SH3RF3: variants seen among roughly 807,000 people sequenced by gnomAD.
The protein encoded by SH3RF3 is E3 ubiquitin-protein ligase SH3RF3.
In SH3RF3, 29 loss-of-function variants were observed where a neutral mutation model predicts 66.3. The observed-to-expected ratio is 0.44, with a 90% confidence interval of 0.33 to 0.60. The LOEUF (loss-of-function observed/expected upper bound fraction) is 0.60. SH3RF3 is among the 20% of genes least tolerant of loss of function. SH3RF3 has a pLI of 0.04. For missense variants in SH3RF3, 1,194 were observed against 1,190.9 expected (o/e 1.00, Z -0.04); for synonymous variants, 583 against 532.0 (o/e 1.10, Z -1.32).
intron 1 of SH3RF3, among the ~76,000 whole-genome samples, chr2:109,345,830 T>C (rs1292076872): frequency 6.6e-6 from 1 of 152,160 alleles, no homozygotes; most frequent in Non-Finnish European, 1.5e-5. Flanking sequence ...CTGGGCCAGG[T>C]CATTCTTTGT....
intron 1 of SH3RF3, among the ~76,000 whole-genome samples, chr2:109,291,901 G>T (rs764420078): frequency 6.6e-6 from 1 of 152,188 alleles, no homozygotes; most frequent in Non-Finnish European, 1.5e-5. Flanking sequence ...GTCTCGCTCT[G>T]TTGCCAGGCT....
intron 4 of SH3RF3, among the ~76,000 whole-genome samples, chr2:109,405,805 C>T (rs1192936199): frequency 6.6e-6 from 1 of 152,246 alleles, no homozygotes; most frequent in Non-Finnish European, 1.5e-5. Context: ...TGGCCATCCC[C>T]CCTTCCTCCC....
chr2:109,216,897 T>G (rs1242547000), intron 1 of SH3RF3, among the ~76,000 whole-genome samples: 1 of 152,226 alleles, frequency 6.6e-6, no homozygotes, highest in African/African-American at 2.4e-5. Flanking sequence ...TTCAGAACTC[T>G]TTTCGTCTTC....
intron 1 of SH3RF3, among the ~76,000 whole-genome samples, chr2:109,287,450 A>G (rs1313089861): frequency 1.3e-5 from 2 of 152,158 alleles, no homozygotes; most frequent in African/African-American, 4.8e-5. Context: ...AGGTATCTCT[A>G]GGCTACCTGA....
chr2:109,486,770 G>A (rs1678991048), intron 8 of SH3RF3, among the ~76,000 whole-genome samples: 1 of 152,142 alleles, frequency 6.6e-6, no homozygotes, highest in Non-Finnish European at 1.5e-5. Context: ...ACTGGGTGGT[G>A]GGGAGGGCCT....
intron 3 of SH3RF3, among the ~76,000 whole-genome samples, chr2:109,384,445 C>T (rs1368381863): frequency 6.6e-6 from 1 of 151,884 alleles, no homozygotes; most frequent in East Asian, 1.9e-4. Flanking sequence ...CAGGGGTGGC[C>T]TGAGCTGGCC....
intron 1 of SH3RF3, among the ~76,000 whole-genome samples, chr2:109,337,215 A>G (rs918427728): frequency 5.9e-5 from 9 of 152,174 alleles, no homozygotes; most frequent in African/African-American, 2.2e-4. Flanking sequence ...AAAGATTTGT[A>G]AAAGCCTTTG....
At chr2:109,408,852 G>T (rs142606594) in intron 4 of SH3RF3, among the ~76,000 whole-genome samples, 5 of 152,202 alleles carry the variant, frequency 3.3e-5, no homozygotes, top group African/African-American at 4.8e-5. Flanking sequence ...TGATGGGTGC[G>T]CACAGGGAGG....
chr2:109,474,707 T>TA (rs1678632520), intron 8 of SH3RF3, among the ~76,000 whole-genome samples: 1 of 152,232 alleles, frequency 6.6e-6, no homozygotes, highest in Non-Finnish European at 1.5e-5. Flanking sequence ...GCATCGCAGA[T>TA]ACTTCACCAC....
intron 1 of SH3RF3, among the ~76,000 whole-genome samples, chr2:109,244,975 A>G (rs768547644): frequency 1.4e-4 from 22 of 152,126 alleles, no homozygotes; most frequent in Non-Finnish European, 3.1e-4. Context: ...CAGTATCTCT[A>G]TGGAGAACTG....
intron 3 of SH3RF3, among the ~76,000 whole-genome samples, chr2:109,390,794 G>T (rs983721479): frequency 3.9e-5 from 6 of 152,140 alleles, no homozygotes; most frequent in Admixed American, 2.6e-4. Flanking sequence ...TCGCTTCCCG[G>T]GCTACCCACT....
chr2:109,345,082 A>T (rs1682654159), intron 1 of SH3RF3, among the ~76,000 whole-genome samples: 1 of 152,296 alleles, frequency 6.6e-6, no homozygotes, highest in East Asian at 1.9e-4. Flanking sequence ...CCCGTGACTC[A>T]GGAGTGTGTG....
intron 8 of SH3RF3, among the ~76,000 whole-genome samples, chr2:109,474,489 G>A (rs554034977): frequency 6.6e-6 from 1 of 152,314 alleles, no homozygotes; most frequent in African/African-American, 2.4e-5. Context: ...ATGATCCCTG[G>A]GGACAGGCGG....
At chr2:109,482,704 C>G (rs1022562535) in intron 8 of SH3RF3, among the ~76,000 whole-genome samples, 2 of 152,212 alleles carry the variant, frequency 1.3e-5, no homozygotes, top group African/African-American at 4.8e-5. Context: ...CCCTCAGCTC[C>G]CTGTCCCTGC....
At chr2:109,387,893 G>A (rs1389153240) in intron 3 of SH3RF3, among the ~76,000 whole-genome samples, 1 of 150,912 alleles carries the variant, frequency 6.6e-6, no homozygotes, top group African/African-American at 2.4e-5. Context: ...CCATCCACCC[G>A]CACACGGCCC....
intron 1 of SH3RF3, among the ~76,000 whole-genome samples, chr2:109,299,787 G>C (rs1225334899): frequency 6.6e-6 from 1 of 152,176 alleles, no homozygotes; most frequent in South Asian, 2.1e-4. Context: ...GGAGGATGTG[G>C]CCGTGGTGTG....
At chr2:109,380,695 G>T (rs960685361) in intron 3 of SH3RF3, among the ~76,000 whole-genome samples, 14 of 152,220 alleles carry the variant, frequency 9.2e-5, no homozygotes. Context: ...TCAGGGCCTG[G>T]CGAAGGGGCA....
chr2:109,381,470 A>G (rs564822066), intron 3 of SH3RF3, among the ~76,000 whole-genome samples: 2 of 151,626 alleles, frequency 1.3e-5, no homozygotes, highest in East Asian at 2.0e-4. Context: ...TCTCACACCT[A>G]CCCTCCGCAG....
intron 9 of SH3RF3, among the ~76,000 whole-genome samples, chr2:109,495,483 T>A (rs1161418750): frequency 4.5e-5 from 2 of 44,344 alleles, no homozygotes; most frequent in Non-Finnish European, 8.4e-5. Flanking sequence ...ATTCCTTTTT[T>A]TTTTTTTTTT....
Sources: gnomAD v4.1 joint callset for allele counts (sites outside exome capture counted in the v4.1 genomes callset) on GRCh38, gnomAD v4.1.1 for gene constraint, MANE v1.5 for transcripts, NCBI Gene and HGNC (gene_info 2026-07-23, HGNC 2026-07-21) for gene names.